The following WIPF1 variants were observed in gnomAD, a reference collection of about 807,000 sequenced individuals.
WIPF1 encodes the protein WAS/WASL interacting protein family member 1.
A neutral mutation model predicts 35.4 loss-of-function variants in WIPF1; 13 were observed. That is an observed-to-expected ratio of 0.37 (90% CI 0.24 to 0.58). WIPF1 has a LOEUF of 0.58. Among genes scored for constraint, WIPF1 ranks in the 20% least tolerant of loss-of-function variants. The probability of loss-of-function intolerance (pLI) is 0.74; values close to 1 mark genes in which losing one functional copy is unlikely to be tolerated. For synonymous variants in WIPF1, 267 were observed against 266.3 expected, an observed-to-expected ratio of 1.00 and a Z score of -0.02; for missense variants, 591 against 667.0, an observed-to-expected ratio of 0.89 and a Z score of 1.25.
intron 1 of WIPF1, among the ~76,000 whole-genome samples, chr2:174,627,456 T>C (rs1345768196): frequency 6.6e-6 from 1 of 151,346 alleles, no homozygotes; most frequent in East Asian, 1.9e-4. Context: ...TTCCTTTCTT[T>C]CTTCCTTTCT....
intron 1 of WIPF1, among the ~76,000 whole-genome samples, chr2:174,656,878 G>C (rs1687650952): frequency 6.6e-6 from 1 of 152,210 alleles, no homozygotes; most frequent in South Asian, 2.1e-4. Context: ...TTTTTATACA[G>C]ACAGTTAATG....
At chr2:174,624,743 G>A (rs192999167) in intron 1 of WIPF1, among the ~76,000 whole-genome samples, 1 of 152,282 alleles carries the variant, frequency 6.6e-6, no homozygotes, top group Admixed American at 6.5e-5. Flanking sequence ...GGGTTCTGGG[G>A]GTGTGCTCAG....
intron 1 of WIPF1, among the ~76,000 whole-genome samples, chr2:174,652,761 A>G (rs998508611): frequency 1.3e-5 from 2 of 152,012 alleles, no homozygotes; most frequent in Admixed American, 1.3e-4. Context: ...TTCACTGGAA[A>G]CATTTGCCTT....
chr2:174,674,903 TACACACACACACACACACACACACACAC>T (rs35062209), intron 1 of WIPF1, among the ~76,000 whole-genome samples: 1 of 133,918 alleles, frequency 7.5e-6, no homozygotes, highest in Non-Finnish European at 1.6e-5. Context: ...CAGGTTCAAA[TACACACACACACACACACACACACACAC>T]ACACACACAC....
chr2:174,635,167 G>A (rs1281895108), intron 1 of WIPF1, among the ~76,000 whole-genome samples: 1 of 152,236 alleles, frequency 6.6e-6, no homozygotes, highest in African/African-American at 2.4e-5. Flanking sequence ...CATGCTGTCA[G>A]ACAGTGTGCC....
chr2:174,614,635 C>A (rs1313450558), intron 1 of WIPF1, among the ~76,000 whole-genome samples: 2 of 152,166 alleles, frequency 1.3e-5, no homozygotes, highest in Non-Finnish European at 2.9e-5. Flanking sequence ...AATTGAACAC[C>A]ACACAGAAAA....
intron 1 of WIPF1, among the ~76,000 whole-genome samples, chr2:174,672,537 T>C (rs1297946309): frequency 6.6e-6 from 1 of 152,264 alleles, no homozygotes; most frequent in Non-Finnish European, 1.5e-5. Flanking sequence ...TTTAGCTAAA[T>C]GAGAAATGTG....
chr2:174,679,848 C>T lies in WIPF1; in HGVS notation c.-39+2926G>A, dbSNP rs1018307483. ...GAGTGAGGAACAACTGACAAATGTC[C>T]GCCCTAGTGAACAAAAGTTAGAGCT... On this transcript the variant is annotated intron_variant, in intron 1 of 8. Transcript: ENST00000272746. Among the ~76,000 whole-genome samples, 8 of 152,158 alleles carry T rather than the reference C, an allele frequency of 5.3e-5. 1 individual carries two copies. Among genetic ancestry groups the T allele is most frequent in the Admixed American group, 4.6e-4 (7 of 15,274 alleles).
intron 2 of WIPF1, among the ~76,000 whole-genome samples, chr2:174,582,792 C>CT (rs1289948770): frequency 6.6e-6 from 1 of 152,170 alleles, no homozygotes; most frequent in Non-Finnish European, 1.5e-5. Context: ...GTAGGCTAAC[C>CT]AGAATTGCAG....
Position 174,571,958 on chromosome 2 carries a change from G to A in WIPF1, c.847C>T (p.Pro283Ser). The A allele has an allele frequency of 3.8e-6, 6 of 1,572,798 alleles. No homozygotes were observed. The highest frequency in any genetic ancestry group is 5.2e-6 in the Non-Finnish European group (6 of 1,160,760). Residue 283 changes from proline (P) to serine (S), a missense_variant, in exon 5 of 8, where the codon CCC becomes TCC. Around this residue, in one of 3 missense-constraint regions of WIPF1, gnomAD observed 471 missense variants for 501.1 expected, o/e 0.94. Coordinates refer to ENST00000679041, the MANE Select transcript of WIPF1 (RefSeq NM_001375834.1). The surrounding 1 kb of genome is among the most constrained non-coding windows in gnomAD (Gnocchi z 4.6). ...NRPSIHREAV[P>S]PPPPQNNKPP... ...TTGTTGTTCTGAGGAGGAGGAGGGG[G>A]AACCGCTTCCCTGTGGATGGAGGGC...
chr2:174,641,736 G>T (rs1006073011), intron 1 of WIPF1, among the ~76,000 whole-genome samples: 1 of 152,182 alleles, frequency 6.6e-6, no homozygotes, highest in Admixed American at 6.5e-5. Context: ...CAGTACCCAG[G>T]AGGGACTGGA....
chr2:174,678,849 T>C (rs775859497), intron 1 of WIPF1, among the ~76,000 whole-genome samples: 1 of 152,236 alleles, frequency 6.6e-6, no homozygotes, highest in African/African-American at 2.4e-5. Flanking sequence ...AGATCTCTCC[T>C]TGGGGGCTGT....
chr2:174,598,307 T>C (rs1685887271), upstream of WIPF1: 1 of 152,094 alleles, frequency 6.6e-6, no homozygotes, highest in South Asian at 2.1e-4. Flanking sequence ...TTTTTGGTTT[T>C]GTTTTATTTA....
intron 1 of WIPF1, among the ~76,000 whole-genome samples, chr2:174,672,597 T>C (rs1688042305): frequency 1.3e-5 from 2 of 152,240 alleles, no homozygotes; most frequent in Non-Finnish European, 1.5e-5. Flanking sequence ...AAAACAGGCA[T>C]GGTAAAATAT....
chr2:174,572,530 G>A, intron 4 of WIPF1, 84 bp from the exon 5 acceptor site: 3 of 1,553,390 alleles, frequency 1.9e-6, no homozygotes, highest in Non-Finnish European at 2.6e-6. Flanking sequence ...CCAGTGACTG[G>A]AAGTCCCTTC....
intron 1 of WIPF1, among the ~76,000 whole-genome samples, chr2:174,642,015 T>A (rs929937564): frequency 4.6e-5 from 7 of 152,170 alleles, no homozygotes; most frequent in African/African-American, 1.4e-4. Context: ...TACTCTTTGC[T>A]ATAGAGAGAT....
At chr2:174,662,219 A>G (rs1687793328) in intron 1 of WIPF1, among the ~76,000 whole-genome samples, 1 of 152,242 alleles carries the variant, frequency 6.6e-6, no homozygotes, top group African/African-American at 2.4e-5. Context: ...AATGCTATGA[A>G]AACGGTTGTT....
At chr2:174,640,424 C>T (rs1022309451) in intron 1 of WIPF1, among the ~76,000 whole-genome samples, 4 of 147,604 alleles carry the variant, frequency 2.7e-5, no homozygotes, top group African/African-American at 1.0e-4. Flanking sequence ...GGGTGCAGCA[C>T]ACCAGCATGG....
intron 1 of WIPF1, among the ~76,000 whole-genome samples, chr2:174,674,349 A>G (rs912982834): frequency 5.3e-5 from 8 of 152,260 alleles, no homozygotes; most frequent in Non-Finnish European, 8.8e-5. Context: ...TTGCAGTCTT[A>G]AAGCTCCTTT....
Sources: gnomAD v4.1 joint callset for allele counts (sites outside exome capture counted in the v4.1 genomes callset) on GRCh38, gnomAD v4.1.1 for gene constraint, gnomAD v4.1.1 regional missense constraint, Gnocchi (gnomAD v3.1) non-coding constraint, MANE v1.5 for transcripts, NCBI Gene and HGNC (gene_info 2026-07-23, HGNC 2026-07-21) for gene names.